RPSA2: variants seen among roughly 807,000 people sequenced by gnomAD.
RPSA2 encodes the protein ribosomal protein SA 2.
chr19:23,846,950 GTTTTCTAAAC>G, the RPSA2 span, among the ~76,000 whole-genome samples: 2 of 152,016 alleles, frequency 1.3e-5, no homozygotes, highest in African/African-American at 4.8e-5. Flanking sequence ...TCTTAAATAG[GTTTTCTAAAC>G]TTTTTGATGT....
chr19:23,810,439 G>A, the RPSA2 span, among the ~76,000 whole-genome samples: 1 of 5,652 alleles, frequency 1.8e-4, no homozygotes, highest in South Asian at 0.083. Context: ...GGCTTGGATA[G>A]TTGTAGTTTT....
chr19:23,797,213 G>A, the RPSA2 span, among the ~76,000 whole-genome samples: 1 of 152,012 alleles, frequency 6.6e-6, no homozygotes, highest in Admixed American at 6.6e-5. Flanking sequence ...AGGTTCAAGC[G>A]ACTCTCTGGC....
chr19:23,764,593 C>T, the RPSA2 span, among the ~76,000 whole-genome samples: 2 of 152,102 alleles, frequency 1.3e-5, no homozygotes, highest in Admixed American at 6.6e-5. Flanking sequence ...GATTCTCCTG[C>T]CTCAGCCTCC....
the RPSA2 span, among the ~76,000 whole-genome samples, chr19:23,870,294 G>A: frequency 6.6e-6 from 1 of 152,316 alleles, no homozygotes; most frequent in Admixed American, 6.5e-5. Context: ...GGCTACTTCA[G>A]AGTAAAATTA....
chr19:23,859,964 G>T, the RPSA2 span, among the ~76,000 whole-genome samples: 4 of 152,144 alleles, frequency 2.6e-5, no homozygotes, highest in Admixed American at 2.6e-4. Context: ...TGTTTACGAA[G>T]GCAGCCCATA....
the RPSA2 span, among the ~76,000 whole-genome samples, chr19:23,816,630 A>G: frequency 2.0e-5 from 3 of 152,076 alleles, no homozygotes; most frequent in Non-Finnish European, 4.4e-5. Context: ...CTTTATAATC[A>G]TGTTGTCTAT....
chr19:23,862,559 C>T, the RPSA2 span, among the ~76,000 whole-genome samples: 166 of 152,148 alleles, frequency 1.1e-3, 1 homozygote, highest in African/African-American at 3.7e-3. Flanking sequence ...CCCATCAATA[C>T]CTAATTTATT....
At chr19:23,761,906 T>TCTCTCTCTCTCTCTCGC in the RPSA2 span, among the ~76,000 whole-genome samples, 1 of 92,096 alleles carries the variant, frequency 1.1e-5, no homozygotes, top group Non-Finnish European at 2.0e-5. Flanking sequence ...ACGTAATTCT[T>TCTCTCTCTCTCTCTCGC]TCTTTCTTTC....
chr19:23,794,478 G>T, the RPSA2 span, among the ~76,000 whole-genome samples: 1 of 152,072 alleles, frequency 6.6e-6, no homozygotes, highest in African/African-American at 2.4e-5. Flanking sequence ...TGTTAGCCAC[G>T]TTTGTCTTCT....
chr19:23,868,823 A>C, the RPSA2 span, among the ~76,000 whole-genome samples: 17 of 152,162 alleles, frequency 1.1e-4, no homozygotes, highest in African/African-American at 1.9e-4. Context: ...GGAGGAACCC[A>C]TGGTGGCCAA....
the RPSA2 span, among the ~76,000 whole-genome samples, chr19:23,774,333 C>T: frequency 6.6e-6 from 1 of 152,322 alleles, no homozygotes; most frequent in East Asian, 1.9e-4. Flanking sequence ...CACTCATCAT[C>T]AAAGTGATGT....
the RPSA2 span, among the ~76,000 whole-genome samples, chr19:23,833,808 A>C: frequency 6.6e-6 from 1 of 152,096 alleles, no homozygotes; most frequent in African/African-American, 2.4e-5. Flanking sequence ...CACTACAAAT[A>C]TAAATAGGGT....
the RPSA2 span, among the ~76,000 whole-genome samples, chr19:23,849,968 C>G: frequency 1.3e-5 from 2 of 152,098 alleles, no homozygotes; most frequent in Non-Finnish European, 2.9e-5. Flanking sequence ...CCAAATGTCC[C>G]GGTTCTCTTG....
At chr19:23,822,296 CT>C in the RPSA2 span, among the ~76,000 whole-genome samples, 1 of 152,188 alleles carries the variant, frequency 6.6e-6, no homozygotes, top group Admixed American at 6.5e-5. Context: ...GGAATTGGCC[CT>C]GAGCATATGC....
the RPSA2 span, among the ~76,000 whole-genome samples, chr19:23,823,573 G>C: frequency 6.6e-6 from 1 of 151,996 alleles, no homozygotes; most frequent in African/African-American, 2.4e-5. Context: ...TCTCCTAACT[G>C]ACTTCGCGAG....
At chr19:23,762,668 C>T in the RPSA2 span, among the ~76,000 whole-genome samples, 7 of 88,852 alleles carry the variant, frequency 7.9e-5, no homozygotes, top group Non-Finnish European at 1.4e-4. Flanking sequence ...GAGGCGGAAA[C>T]TCGGTCTCAA....
At chr19:23,836,926 C>T in the RPSA2 span, among the ~76,000 whole-genome samples, 8 of 152,128 alleles carry the variant, frequency 5.3e-5, no homozygotes, top group South Asian at 1.2e-3. Context: ...CTCCCACTCT[C>T]TGAGTTATCT....
the RPSA2 span, among the ~76,000 whole-genome samples, chr19:23,866,513 G>A: frequency 2.1e-5 from 3 of 142,284 alleles, no homozygotes; most frequent in Admixed American, 2.1e-4. Context: ...ACAATGTGGT[G>A]CCCCCCCCCG....
the RPSA2 span, among the ~76,000 whole-genome samples, chr19:23,848,212 T>C: frequency 6.6e-6 from 1 of 152,152 alleles, no homozygotes; most frequent in South Asian, 2.1e-4. Flanking sequence ...ATCCATGAAA[T>C]CTTCACAATT....
Sources: allele counts gnomAD v4.1 joint callset (sites outside exome capture counted in the v4.1 genomes callset), GRCh38; gene constraint gnomAD v4.1.1; transcripts MANE v1.5; gene names NCBI Gene and HGNC (gene_info 2026-07-23, HGNC 2026-07-21).